KIAA0930: variants seen among roughly 807,000 people sequenced by gnomAD.
KIAA0930 encodes uncharacterized protein KIAA0930.
Under a neutral mutation model 43.9 loss-of-function variants are expected in KIAA0930, and 24 were observed. The observed-to-expected ratio is 0.55, with a 90% confidence interval of 0.40 to 0.77. KIAA0930 has a LOEUF of 0.77. KIAA0930 is among the 30% of genes least tolerant of loss of function. KIAA0930 has a pLI of 0.00. For synonymous variants in KIAA0930, 259 were observed against 216.4 expected, an observed-to-expected ratio of 1.20 and a Z score of -1.73; for missense variants, 461 against 574.2, an observed-to-expected ratio of 0.80 and a Z score of 2.02.
intron 1 of KIAA0930, chr22:45,226,294 CCTT>C (rs1569082718): frequency 2.1e-6 from 1 of 471,138 alleles, no homozygotes; most frequent in South Asian, 1.5e-5. Context: ...GAAACCGAGA[CCTT>C]CAAGTCCGGG....
chr22:45,203,783 T>A (rs1053091296), intron 6 of KIAA0930, 62 bp downstream of exon 6: 9 of 1,567,436 alleles, frequency 5.7e-6, no homozygotes, highest in Admixed American at 1.8e-5. Flanking sequence ...TGGACCACGG[T>A]GGGCTGTGGA....
intron 1 of KIAA0930, among the ~76,000 whole-genome samples, chr22:45,221,605 C>T (rs7288118): frequency 0.43 from 65,127 of 151,944 alleles, 14,331 homozygotes; most frequent in East Asian, 0.67. Flanking sequence ...TAAATATGTG[C>T]TAATTGAATA....
chr22:45,212,093 C>A lies in KIAA0930; in HGVS notation c.79G>T (p.Asp27Tyr). 1 of 1,613,850 alleles carries A rather than the reference C, an allele frequency of 6.2e-7. No homozygotes were observed. Among genetic ancestry groups the A allele is most frequent in the Non-Finnish European group, 8.5e-7 (1 of 1,179,974 alleles). Residue 27 changes from aspartate to tyrosine, a missense_variant, in exon 2 of 10, where the codon GAC becomes TAC. Transcript: ENST00000336156. ...ATCCAAGTCCAGAAGACGATGCGGT[C>A]ATCCTTGAAGCACCCTGCAGAGGGA... ...EVCGLGCFKD[D>Y]RIVFWTWMFS...
intron 2 of KIAA0930, among the ~76,000 whole-genome samples, chr22:45,208,974 C>T (rs978832297): frequency 2.0e-5 from 3 of 152,226 alleles, no homozygotes; most frequent in African/African-American, 7.2e-5. Context: ...CTGCCAAAGG[C>T]ACACAATGGG....
Position 45,194,052 on chromosome 22 carries a change from C to CTTTTTTTTTTTTT in KIAA0930, c.*3111_*3123dup, listed in dbSNP as rs71190644. ...GGTTTGGGTTTAAAGACCAATGTAT[C>CTTTTTTTTTTTTT]TTTTTTTTTTTTTTTTTTTTTTTTT... On this transcript the variant is annotated 3_prime_UTR_variant, in exon 10 of 10. Transcript: ENST00000336156. The CTTTTTTTTTTTTT allele has an allele frequency of 2.9e-4, 13 of 44,346 alleles. 2 individuals are homozygous for CTTTTTTTTTTTTT. The highest frequency in any genetic ancestry group is 3.7e-4 in the Admixed American group (1 of 2,686). 2.7% of individuals were successfully genotyped at this position (44,346 alleles called of 1,614,324 possible). A position where few individuals can be genotyped will look rare whatever the true frequency, so the allele number is the denominator to read the frequency against.
In KIAA0930 at chr22:45,197,937, T is replaced by C. The variant is rs759701109; in HGVS notation, c.1027A>G (p.Asn343Asp). Residue 343 changes from asparagine to aspartate, a missense_variant, in exon 9 of 10, where the codon AAT becomes GAT. Asn to Asp is a conservative substitution (Grantham distance 23). Coordinates refer to ENST00000336156, the MANE Select transcript of KIAA0930 (RefSeq NM_001009880.2). ...GACCGAGACCGCAGGTTGGTTGCAT[T>C]GTGCAGATCGGCTGGAGGAAAGAAG... ...REDDGGADLH[N>D]ATNLRSRSLS... The C allele has an allele frequency of 8.7e-6, 14 of 1,613,924 alleles. No homozygotes were observed. Among genetic ancestry groups the C allele is most frequent in the Admixed American group, 1.7e-5 (1 of 60,014 alleles).
In KIAA0930 at chr22:45,240,584, C is replaced by T. The variant is rs1295318524; in HGVS notation, c.64+56G>A. ...GCACAGAAACACGGACGCGCAGAGGCGGCCCCGGAGACGCTCACCTCTCCC... is the reference window on the plus strand; with the variant it reads ...GCACAGAAACACGGACGCGCAGAGGTGGCCCCGGAGACGCTCACCTCTCCC... On this transcript the variant is annotated intron_variant, in intron 1 of 9. Coordinates refer to ENST00000336156, the MANE Select transcript of KIAA0930 (RefSeq NM_001009880.2). 5 of 1,231,628 alleles carry T rather than the reference C, an allele frequency of 4.1e-6. No individual in the cohort carries two copies. In the East Asian group the frequency reaches 7.7e-5, roughly 19 times the overall value. The allele number at this position is 1,231,628 out of a possible 1,614,324, so 76.3% of individuals were successfully genotyped here. A position where few individuals can be genotyped will look rare whatever the true frequency, so the allele number is the denominator to read the frequency against.
intron 6 of KIAA0930, among the ~76,000 whole-genome samples, chr22:45,203,503 CT>C (rs2083608335): frequency 6.6e-6 from 1 of 152,070 alleles, no homozygotes; most frequent in Non-Finnish European, 1.5e-5. Context: ...TTGGGGGCGA[CT>C]CGGAGCACTC....
chr22:45,204,584 G>A (rs1211207767), intron 5 of KIAA0930, among the ~76,000 whole-genome samples: 10 of 152,116 alleles, frequency 6.6e-5, no homozygotes, highest in Admixed American at 2.0e-4. Flanking sequence ...AGACGCCCAC[G>A]CCTTCCTCCT....
intron 1 of KIAA0930, among the ~76,000 whole-genome samples, chr22:45,234,023 C>G (rs991277240): frequency 6.6e-6 from 1 of 152,212 alleles, no homozygotes; most frequent in Admixed American, 6.5e-5. Context: ...GCGGGAGAGC[C>G]TGGACTGGGG....
intron 1 of KIAA0930, among the ~76,000 whole-genome samples, chr22:45,229,692 G>A (rs1012828901): frequency 3.3e-5 from 5 of 152,206 alleles, no homozygotes; most frequent in Admixed American, 6.5e-5. Context: ...AGGGGACCTC[G>A]GGAAACCCCC....
chr22:45,210,458 G>T (rs1425664620), intron 2 of KIAA0930, among the ~76,000 whole-genome samples: 1 of 152,142 alleles, frequency 6.6e-6, no homozygotes, highest in Non-Finnish European at 1.5e-5. Flanking sequence ...CACTCATATG[G>T]TCACACTAAC....
rs559517219 is a variant in KIAA0930, at chr22:45,193,755, C to G, written c.*3421G>C. The G allele has an allele frequency of 1.3e-5, 2 of 152,168 alleles. No homozygotes were observed. The highest frequency in any genetic ancestry group is 6.5e-5 in the Admixed American group (1 of 15,284). The allele number at this position is 152,168 out of a possible 1,614,324, so 9.4% of individuals were successfully genotyped here. A position where few individuals can be genotyped will look rare whatever the true frequency, so the allele number is the denominator to read the frequency against. On this transcript the variant is annotated 3_prime_UTR_variant, in exon 10 of 10. Coordinates refer to ENST00000336156, the MANE Select transcript of KIAA0930 (RefSeq NM_001009880.2). ...AATAATCTTCTTTTGAAATAATAAGCCTTAGCTGGCTTTGCAGGCAACTAG... is the reference window on the plus strand; with the variant it reads ...AATAATCTTCTTTTGAAATAATAAGGCTTAGCTGGCTTTGCAGGCAACTAG...
At chr22:45,201,376 C>T (rs1246593643) in intron 7 of KIAA0930, among the ~76,000 whole-genome samples, 2 of 152,156 alleles carry the variant, frequency 1.3e-5, no homozygotes, top group African/African-American at 4.8e-5. Context: ...GCTAAGGCAC[C>T]AGGGACTTTC....
Position 45,212,194 on chromosome 22 carries a change from C to CA in KIAA0930, c.65-88dup, listed in dbSNP as rs1569077341. 2.5e-6 allele frequency: 4 copies of CA among 1,613,202 alleles called. No homozygotes were observed. The African/African-American group carries it at 4.0e-5, about 16-fold the overall frequency. On this transcript the variant is annotated intron_variant, in intron 1 of 9. Transcript: ENST00000336156. ...CTTGGCCAAGCTGCGCCCATACCCC[C>CA]ACATTTCTGGCCAGAAATTTGCGAG...
Position 45,197,923 on chromosome 22 carries a change from C to A in KIAA0930, c.1041G>T (p.Leu347=). The A allele has an allele frequency of 1.2e-6, 2 of 1,614,156 alleles. No homozygotes were observed. Among genetic ancestry groups the A allele is most frequent in the Non-Finnish European group, 8.5e-7 (1 of 1,180,028 alleles). ...CTGTGCCCGACAGGGACCGAGACCGCAGGTTGGTTGCATTGTGCAGATCGG... is the reference window on the plus strand; with the variant it reads ...CTGTGCCCGACAGGGACCGAGACCGAAGGTTGGTTGCATTGTGCAGATCGG... ...GGADLHNATN[L]RSRSLSGTGR... is the part of the protein sequence containing the mutation. Residue 347 remains leucine (L), a synonymous_variant, in exon 9 of 10, where the codon CTG becomes CTT. Coordinates refer to ENST00000336156, the MANE Select transcript of KIAA0930 (RefSeq NM_001009880.2).
chr22:45,222,747 A>C (rs1404824808), intron 1 of KIAA0930, among the ~76,000 whole-genome samples: 1 of 152,180 alleles, frequency 6.6e-6, no homozygotes, highest in East Asian at 1.9e-4. Context: ...AATTTCCTTA[A>C]CAAATACTAA....
In KIAA0930 at chr22:45,240,762, G is replaced by A. The variant is rs1400738475; in HGVS notation, c.-59C>T. The A allele has an allele frequency of 9.7e-6, 6 of 615,426 alleles. No homozygotes were observed. The highest frequency in any genetic ancestry group is 3.6e-6 in the Non-Finnish European group (2 of 550,396). 38.1% of individuals were successfully genotyped at this position (615,426 alleles called of 1,614,324 possible). A position where few individuals can be genotyped will look rare whatever the true frequency, so the allele number is the denominator to read the frequency against. On this transcript the variant is annotated 5_prime_UTR_variant, in exon 1 of 10. Coordinates refer to ENST00000336156, the MANE Select transcript of KIAA0930 (RefSeq NM_001009880.2). Reference sequence around the variant, plus strand: ...GCCCGCAGGCTCGGGGGCGGCGGCGGCGGGGAGGGCGGGCGGCCCGGCCCG... The same window carrying A: ...GCCCGCAGGCTCGGGGGCGGCGGCGACGGGGAGGGCGGGCGGCCCGGCCCG...
rs1245434356 is a variant in KIAA0930 at position 45,200,240 on chromosome 22, C to T, written c.853-205G>A. On this transcript the variant is annotated intron_variant, in intron 7 of 9. Coordinates refer to ENST00000336156, the MANE Select transcript of KIAA0930 (RefSeq NM_001009880.2). ...CGTTCCAGCCCAGGGGCCAGCAGGA[C>T]ACCTGGCCACCAGTGCTACCCGAGG... 5 of 469,984 alleles carry T rather than the reference C, an allele frequency of 1.1e-5. No homozygotes were observed. The East Asian group carries it at 1.8e-4, about 17-fold the overall frequency. 29.1% of individuals were successfully genotyped at this position (469,984 alleles called of 1,614,324 possible). A position where few individuals can be genotyped will look rare whatever the true frequency, so the allele number is the denominator to read the frequency against.
Sources: gnomAD v4.1 joint callset for allele counts (sites outside exome capture counted in the v4.1 genomes callset) on GRCh38, gnomAD v4.1.1 for gene constraint, MANE v1.5 for transcripts, NCBI Gene and HGNC (gene_info 2026-07-23, HGNC 2026-07-21) for gene names.